DNAH8: variants seen among roughly 807,000 people sequenced by gnomAD.
DNAH8 encodes dynein axonemal heavy chain 8, also known as axonemal beta dynein heavy chain 8.
Under a neutral mutation model 562.1 loss-of-function variants are expected in DNAH8, and 382 were observed. That is an observed-to-expected ratio of 0.68 (90% CI 0.63 to 0.74). The LOEUF (loss-of-function observed/expected upper bound fraction) is 0.74, where lower values mean the gene tolerates loss of function less well. DNAH8 is among the 30% of genes least tolerant of loss of function. DNAH8 has a pLI of 0.00. For synonymous variants in DNAH8, 1,881 were observed against 1,919.4 expected (o/e 0.98, Z 0.52); for missense variants, 5,203 against 5,620.4 (o/e 0.93, Z 2.37).
intron 11 of DNAH8, among the ~76,000 whole-genome samples, chr6:38,765,256 C>A (rs1380393433): frequency 6.6e-6 from 1 of 152,210 alleles, no homozygotes; most frequent in Non-Finnish European, 1.5e-5. Context: ...GTCTTCCAGT[C>A]TAGAGGTTGT....
intron 8 of DNAH8, among the ~76,000 whole-genome samples, chr6:38,749,535 T>TAAAAA: frequency 8.3e-6 from 1 of 120,454 alleles, no homozygotes; most frequent in Non-Finnish European, 1.7e-5. Context: ...GAACTTAAAG[T>TAAAAA]AAAAAAAAAA....
intron 53 of DNAH8, among the ~76,000 whole-genome samples, chr6:38,876,992 A>T (rs1255149267): frequency 6.6e-6 from 1 of 152,232 alleles, no homozygotes; most frequent in Non-Finnish European, 1.5e-5. Flanking sequence ...TTGAGATGGC[A>T]AAAGGGCACT....
Position 38,772,131 on chromosome 6 carries a change from A to T in DNAH8, c.1764+1572A>T, listed in dbSNP as rs565898506. Among the ~76,000 whole-genome samples, 6 of 149,236 alleles carry T rather than the reference A, an allele frequency of 4.0e-5. No individual in the cohort carries two copies. The South Asian group carries it at 1.1e-3, about 26-fold the overall frequency. On this transcript the variant is annotated intron_variant, in intron 12 of 92. Transcript: ENST00000327475. The stretch of plus-strand genomic sequence containing the variant: ...GCAAGCTCCACCTCCCGGGTTCACG[A>T]CATTCTCCTGCCTCAGCCTCCCGAG...
intron 88 of DNAH8, among the ~76,000 whole-genome samples, chr6:39,007,934 A>ACCCC (rs981814378): frequency 1.8e-5 from 1 of 54,652 alleles, no homozygotes; most frequent in Non-Finnish European, 4.0e-5. Flanking sequence ...ACAGCGCCCC[A>ACCCC]CCCCCCACCC....
Position 38,803,197 on chromosome 6 carries a change from G to GC in DNAH8, c.2921dup (p.Asp975Ter), listed in dbSNP as rs1343160095. On this transcript the variant is annotated frameshift_variant, in exon 22 of 93. Coordinates refer to ENST00000327475, the MANE Select transcript of DNAH8 (RefSeq NM_001206927.2). LOFTEE classifies it high-confidence loss of function. ...TTAACAGACATACACAAAAGAATGG[G>GC]CTGACATTCTAAACCACAAAAGTAA... 6.3e-7 allele frequency: 1 copy of GC among 1,599,906 alleles called. No homozygotes were observed. Among genetic ancestry groups the GC allele is most frequent in the Non-Finnish European group, 8.5e-7 (1 of 1,173,236 alleles).
rs373838137 is a variant in DNAH8 at position 38,970,905 on chromosome 6, A to G, written c.12452-687A>G. ...ACAAGCATGGTTCTCTGCCTGGGAC[A>G]TCTGGTCCTAAATGGTGTATTATCT... On this transcript the variant is annotated intron_variant, in intron 82 of 92. Transcript: ENST00000327475. 9.2e-5 allele frequency among the ~76,000 whole-genome samples: 14 copies of G among 152,310 alleles called. No homozygotes were observed. In the East Asian group the frequency reaches 1.7e-3, roughly 19 times the overall value.
At chr6:38,892,944 A>G (rs1253481820) in intron 58 of DNAH8, among the ~76,000 whole-genome samples, 3 of 152,214 alleles carry the variant, frequency 2.0e-5, no homozygotes, top group African/African-American at 7.2e-5. Context: ...ATCATCCTCT[A>G]AAGTGACTGC....
intron 88 of DNAH8, among the ~76,000 whole-genome samples, chr6:39,000,195 G>A (rs58256726): frequency 0.01 from 1,544 of 152,254 alleles, 21 homozygotes; most frequent in African/African-American, 0.034. Flanking sequence ...CTCTTGGAGC[G>A]CATCATCTGT....
At chr6:38,956,302 C>A (rs1759573128) in intron 82 of DNAH8, among the ~76,000 whole-genome samples, 1 of 152,172 alleles carries the variant, frequency 6.6e-6, no homozygotes, top group Admixed American at 6.5e-5. Context: ...CCTACCTGTG[C>A]AGGGATCTAC....
chr6:38,729,010 C>T (rs1236170867), intron 3 of DNAH8, among the ~76,000 whole-genome samples: 1 of 152,150 alleles, frequency 6.6e-6, no homozygotes, highest in African/African-American at 2.4e-5. Flanking sequence ...CAAGACCAGC[C>T]TGGCCAACAT....
intron 82 of DNAH8, among the ~76,000 whole-genome samples, chr6:38,961,759 C>T (rs914511617): frequency 6.6e-6 from 1 of 151,938 alleles, no homozygotes; most frequent in African/African-American, 2.4e-5. Context: ...CAACTAGAGA[C>T]ATATCCATTA....
At chr6:38,752,170 CCCCACCACCCCGGG>C (rs1431050179) in intron 9 of DNAH8, among the ~76,000 whole-genome samples, 2 of 151,066 alleles carry the variant, frequency 1.3e-5, no homozygotes, top group African/African-American at 4.9e-5. Context: ...CCTCCCCCCA[CCCCACCACCCCGGG>C]ATGGAGTCTC....
intron 1 of DNAH8, among the ~76,000 whole-genome samples, 170 bp from the exon 2 acceptor site, chr6:38,722,606 T>G (rs568459082): frequency 7.1e-6 from 1 of 141,278 alleles, no homozygotes; most frequent in East Asian, 2.0e-4. Context: ...GTGTGTGTGC[T>G]GTCCTCACTA....
At chr6:38,747,971 C>T (rs1273358411) in intron 8 of DNAH8, among the ~76,000 whole-genome samples, 1 of 152,062 alleles carries the variant, frequency 6.6e-6, no homozygotes, top group African/African-American at 2.4e-5. Context: ...CATTTGCTAC[C>T]TTTGTTTTTA....
At position 38,815,557 on chromosome 6, in the gene DNAH8, G is replaced by T; in HGVS notation, c.3423G>T (p.Trp1141Cys). Reference protein sequence around the residue: ...TLEVSRGVAHWGQQQIRPIKS... With the variant: ...TLEVSRGVAHCGQQQIRPIKS... ...AGGTCAGCAGAGGAGTGGCTCACTG[G>T]GGGCAACAGCAAATCCGTCCCATCA... is the stretch of plus-strand genomic sequence containing the variant. Residue 1141 changes from tryptophan to cysteine, a missense_variant, in exon 26 of 93, where the codon TGG becomes TGT. Physicochemically the swap from Trp to Cys is radical, Grantham distance 215. This residue lies in a region of DNAH8 where 2,176 missense variants were observed against 2,365.1 expected (regional missense o/e 0.92). Coordinates refer to ENST00000327475, the MANE Select transcript of DNAH8 (RefSeq NM_001206927.2). 6.2e-7 allele frequency: 1 copy of T among 1,614,010 alleles called. No individual in the cohort carries two copies. Among genetic ancestry groups the T allele is most frequent in the Non-Finnish European group, 8.5e-7 (1 of 1,179,942 alleles).
At chr6:38,983,212 G>T (rs1331821317) in intron 86 of DNAH8, among the ~76,000 whole-genome samples, 2 of 152,198 alleles carry the variant, frequency 1.3e-5, no homozygotes, top group African/African-American at 2.4e-5. Context: ...AGGAACGAAT[G>T]AGTTAGTATT....
At chr6:38,723,882 GA>G (rs1762978802) in intron 3 of DNAH8, among the ~76,000 whole-genome samples, 2 of 151,806 alleles carry the variant, frequency 1.3e-5, no homozygotes, top group Admixed American at 1.3e-4. Context: ...AAAGAAAAAA[GA>G]AAAAGACAAA....
intron 70 of DNAH8, among the ~76,000 whole-genome samples, chr6:38,919,533 T>C (rs1308563660): frequency 1.3e-5 from 2 of 152,304 alleles, no homozygotes; most frequent in African/African-American, 4.8e-5. Flanking sequence ...TACATGATAC[T>C]ATTTTTCAGG....
intron 4 of DNAH8, among the ~76,000 whole-genome samples, chr6:38,732,632 T>A (rs1331918845): frequency 6.6e-6 from 1 of 152,150 alleles, no homozygotes; most frequent in African/African-American, 2.4e-5. Context: ...TTCCACAGAT[T>A]TCAGGGCAGT....
Sources: allele counts gnomAD v4.1 joint callset (sites outside exome capture counted in the v4.1 genomes callset), GRCh38; gene constraint gnomAD v4.1.1; regional missense constraint gnomAD v4.1.1; transcripts MANE v1.5; gene names NCBI Gene and HGNC (gene_info 2026-07-23, HGNC 2026-07-21).